CSMD1: variants seen among roughly 807,000 people sequenced by gnomAD.
CSMD1 encodes the protein CUB and Sushi multiple domains 1, also known as CUB and sushi domain-containing protein 1.
In CSMD1, 213 loss-of-function variants were observed where a neutral mutation model predicts 417.5. The observed-to-expected ratio is 0.51, with a 90% CI of 0.46 to 0.57. The LOEUF is 0.57. CSMD1 is among the 20% of genes least tolerant of loss of function. The pLI is 0.00. For synonymous variants in CSMD1, 2,862 were observed against 1,736.8 expected, an observed-to-expected ratio of 1.65 and a Z score of -16.11; for missense variants, 6,923 against 4,529.7, an observed-to-expected ratio of 1.53 and a Z score of -15.17.
At chr8:4,154,853 G>C (rs950209511) in intron 3 of CSMD1, among the ~76,000 whole-genome samples, 38 of 152,254 alleles carry the variant, frequency 2.5e-4, no homozygotes, top group African/African-American at 6.7e-4. Flanking sequence ...TTTCTGATTT[G>C]TTGATACCAA....
chr8:4,246,631 A>C (rs1412557062), intron 3 of CSMD1, among the ~76,000 whole-genome samples: 1 of 152,206 alleles, frequency 6.6e-6, no homozygotes, highest in African/African-American at 2.4e-5. Context: ...AGCAGAAATG[A>C]ATTTCTGCAA....
At position 2,965,716 on chromosome 8, in the gene CSMD1, C is replaced by A. The variant is rs1392402664; in HGVS notation, c.9280+59G>T. The stretch of plus-strand genomic sequence containing the variant: ...TAAATGCTTGCAAAATTAAACAAAG[C>A]ATAATTCAATAAAGACTTCTATACA... On this transcript the variant is annotated intron_variant, in intron 59 of 69. Transcript: ENST00000635120. The A allele has an allele frequency of 2.7e-6, 4 of 1,456,482 alleles. No individual in the cohort carries two copies. In the African/African-American group the frequency reaches 5.6e-5, roughly 21 times the overall value. 90.2% of individuals were successfully genotyped at this position (1,456,482 alleles called of 1,614,324 possible).
intron 1 of CSMD1, among the ~76,000 whole-genome samples, chr8:4,937,254 G>T (rs192631690): frequency 2.6e-5 from 4 of 152,062 alleles, no homozygotes; most frequent in East Asian, 3.9e-4. Flanking sequence ...TAAATATAAG[G>T]ACAAATCTGG....
In CSMD1 at chr8:3,101,121, C is replaced by T. The variant is rs1239964392; in HGVS notation, c.6950-4084G>A. 2.0e-5 allele frequency among the ~76,000 whole-genome samples: 3 copies of T among 150,592 alleles called. No homozygotes were observed. The East Asian group carries it at 5.9e-4, about 29-fold the overall frequency. ...CTATTGAAGGATCCCCCAAGGTCCA[C>T]AGGATGAAGAAACCTGACGTTGAAG... On this transcript the variant is annotated intron_variant, in intron 46 of 69. Coordinates refer to ENST00000635120, the MANE Select transcript of CSMD1 (RefSeq NM_033225.6).
chr8:3,875,888 A>C (rs1405520394), intron 5 of CSMD1, among the ~76,000 whole-genome samples: 5 of 152,184 alleles, frequency 3.3e-5, no homozygotes, highest in Non-Finnish European at 7.4e-5. Context: ...CTTGGTAGGA[A>C]ATCACAAGCA....
intron 5 of CSMD1, among the ~76,000 whole-genome samples, chr8:3,973,233 C>A (rs1813203459): frequency 1.3e-5 from 2 of 152,282 alleles, no homozygotes; most frequent in African/African-American, 4.8e-5. Context: ...AGAGCTGTTC[C>A]CTGGCAGGTG....
At chr8:4,005,560 C>T (rs905486639) in intron 4 of CSMD1, among the ~76,000 whole-genome samples, 1 of 152,180 alleles carries the variant, frequency 6.6e-6, no homozygotes, top group Admixed American at 6.5e-5. Flanking sequence ...TCTGAATTGT[C>T]TTTTATTGTG....
chr8:4,488,687 G>A (rs576931738), intron 2 of CSMD1, among the ~76,000 whole-genome samples: 6 of 151,932 alleles, frequency 3.9e-5, no homozygotes, highest in African/African-American at 9.7e-5. Flanking sequence ...ATGGCGGTGG[G>A]GGGGGTGAAA....
At chr8:4,886,408 G>A (rs941212472) in intron 1 of CSMD1, among the ~76,000 whole-genome samples, 2 of 151,898 alleles carry the variant, frequency 1.3e-5, no homozygotes, top group African/African-American at 4.8e-5. Flanking sequence ...TCTTGATAAT[G>A]TTTTGTTGAG....
intron 25 of CSMD1, among the ~76,000 whole-genome samples, chr8:3,306,527 G>A (rs1194385385): frequency 6.6e-6 from 1 of 152,120 alleles, no homozygotes; most frequent in African/African-American, 2.4e-5. Context: ...GAAGCAGCTG[G>A]GCTGATTCAT....
At chr8:4,023,453 G>C (rs1796888347) in intron 4 of CSMD1, among the ~76,000 whole-genome samples, 1 of 152,090 alleles carries the variant, frequency 6.6e-6, no homozygotes, top group African/African-American at 2.4e-5. Flanking sequence ...TCTAGACTCT[G>C]GGTTGAGTAG....
intron 50 of CSMD1, among the ~76,000 whole-genome samples, chr8:3,044,523 G>C (rs900203726): frequency 6.6e-6 from 1 of 152,056 alleles, no homozygotes; most frequent in East Asian, 1.9e-4. Context: ...CATTTTGTCA[G>C]ACTGTTAAAC....
chr8:4,490,972 C>A (rs1356283395), intron 2 of CSMD1, among the ~76,000 whole-genome samples: 1 of 152,002 alleles, frequency 6.6e-6, no homozygotes. Context: ...TTATGTGAAC[C>A]ACAGGGAGGA....
At chr8:4,105,248 G>C (rs540132952) in intron 3 of CSMD1, among the ~76,000 whole-genome samples, 35 of 152,018 alleles carry the variant, frequency 2.3e-4, no homozygotes, top group Non-Finnish European at 4.4e-4. Flanking sequence ...CCTAAATATT[G>C]ATCAACGGCC....
chr8:3,884,097 G>A (rs150152874), intron 5 of CSMD1, among the ~76,000 whole-genome samples: 84 of 152,156 alleles, frequency 5.5e-4, no homozygotes, highest in East Asian at 5.0e-3. Flanking sequence ...GGTAAACAGC[G>A]AATTGAAAAG....
chr8:4,540,371 A>C (rs62479750), intron 2 of CSMD1, among the ~76,000 whole-genome samples: 4,193 of 152,178 alleles, frequency 0.028, 66 homozygotes, highest in South Asian at 0.063. Context: ...CTGGTGAAAT[A>C]AGCATGAAAA....
At chr8:3,548,549 G>C (rs1436345141) in intron 10 of CSMD1, among the ~76,000 whole-genome samples, 1 of 151,570 alleles carries the variant, frequency 6.6e-6, no homozygotes. Context: ...TACGATGTTT[G>C]GTTTTCCATT....
At chr8:4,751,746 A>T (rs1490270344) in intron 1 of CSMD1, among the ~76,000 whole-genome samples, 2 of 152,098 alleles carry the variant, frequency 1.3e-5, no homozygotes, top group East Asian at 3.9e-4. Flanking sequence ...TGGAGTTAGG[A>T]GCTTGGTGTC....
At chr8:3,741,198 A>G (rs1162813959) in intron 6 of CSMD1, among the ~76,000 whole-genome samples, 2 of 142,108 alleles carry the variant, frequency 1.4e-5, no homozygotes, top group African/African-American at 2.6e-5. Flanking sequence ...CGGGCAACAG[A>G]GCAAGACTCC....
Sources: allele counts gnomAD v4.1 joint callset (sites outside exome capture counted in the v4.1 genomes callset), GRCh38; gene constraint gnomAD v4.1.1; transcripts MANE v1.5; gene names NCBI Gene and HGNC (gene_info 2026-07-23, HGNC 2026-07-21).